Variants in DMD observed in about 807,000 individuals in gnomAD.
DMD encodes mutant dystrophin.
A neutral mutation model predicts 330.1 loss-of-function variants in DMD; 63 were observed. The observed-to-expected ratio is 0.19, with a 90% CI of 0.16 to 0.24. DMD has a LOEUF of 0.24. Among genes scored for constraint, DMD ranks in the 10% least tolerant of loss-of-function variants. The pLI, the probability that DMD is intolerant of heterozygous loss-of-function variation, is 1.00. For missense variants in DMD, 3,344 were observed against 2,684.1 expected (o/e 1.25, Z -5.43); for synonymous variants, 1,223 against 959.8 (o/e 1.27, Z -5.07).
chrX:33,325,862 C>T lies in DMD; in HGVS notation c.7+13397G>A, dbSNP rs145068693. 5.5e-3 allele frequency among the ~76,000 whole-genome samples: 609 copies of T among 111,428 alleles called. 7 individuals are homozygous for T. The highest frequency in any genetic ancestry group is 0.019 in the African/African-American group (574 of 30,683). ...TGCCTGAATCCATGTACCTTATAAA[C>T]GAAACTGTCAATTTACTCTTCTATT... On this transcript the variant is annotated intron_variant, in intron 1 of 17. Transcript: ENST00000288447.
chrX:32,828,071 T>G (rs2078872548), intron 4 of DMD, among the ~76,000 whole-genome samples: 1 of 111,789 alleles, frequency 8.9e-6, no homozygotes, highest in East Asian at 2.8e-4. Flanking sequence ...CTTATTTTTG[T>G]CTGGGTTGTA....
chrX:32,599,632 TTGTC>T (rs1216364173), intron 12 of DMD, among the ~76,000 whole-genome samples: 5 of 97,240 alleles, frequency 5.1e-5, no homozygotes, highest in South Asian at 4.3e-4. Flanking sequence ...ACAAAAATGT[TTGTC>T]TGTCAGAAAA....
chrX:32,416,645 C>G (rs747341597), intron 29 of DMD, among the ~76,000 whole-genome samples: 1 of 111,672 alleles, frequency 9.0e-6, no homozygotes, highest in Non-Finnish European at 1.9e-5. Flanking sequence ...CCTGACTGTC[C>G]GTACCTTGCA....
intron 26 of DMD, among the ~76,000 whole-genome samples, chrX:32,452,908 C>T (rs775001386): frequency 1.8e-5 from 2 of 111,037 alleles, no homozygotes; most frequent in East Asian, 5.7e-4. Context: ...TCTTTCTCTT[C>T]CCAATTAGCT....
chrX:31,357,789 T>A (rs2058744100), intron 60 of DMD, among the ~76,000 whole-genome samples: 2 of 111,801 alleles, frequency 1.8e-5, no homozygotes, highest in Non-Finnish European at 3.8e-5. Context: ...CGCCTTTCTT[T>A]TCTCTCACTG....
chrX:31,524,308 G>A (rs1343099472), intron 55 of DMD, among the ~76,000 whole-genome samples: 2 of 112,105 alleles, frequency 1.8e-5, no homozygotes, highest in East Asian at 5.6e-4. Context: ...CTGTCTGATG[G>A]TAATGTTTTA....
chrX:33,059,240 T>A (rs2094553802), intron 1 of DMD, among the ~76,000 whole-genome samples: 1 of 111,561 alleles, frequency 9.0e-6, no homozygotes, highest in African/African-American at 3.3e-5. Flanking sequence ...ATATTCTCCT[T>A]GACTATGTTT....
intron 43 of DMD, among the ~76,000 whole-genome samples, chrX:32,272,573 G>A (rs1157981613): frequency 8.9e-6 from 1 of 112,001 alleles, no homozygotes; most frequent in East Asian, 2.8e-4. Context: ...TGCCATGGAG[G>A]CAGGCTATGT....
intron 25 of DMD, among the ~76,000 whole-genome samples, chrX:32,462,653 T>A (rs2098387673): frequency 9.0e-6 from 1 of 111,123 alleles, no homozygotes; most frequent in Non-Finnish European, 1.9e-5. Flanking sequence ...GAATCTTAAT[T>A]GTTATTTAAA....
intron 1 of DMD, among the ~76,000 whole-genome samples, chrX:33,044,351 G>C (rs1174317803): frequency 9.0e-6 from 1 of 111,244 alleles, no homozygotes; most frequent in Non-Finnish European, 1.9e-5. Context: ...AGAATCACTT[G>C]AACCCGGGAG....
At chrX:31,515,041 G>A (rs970389748) in intron 55 of DMD, among the ~76,000 whole-genome samples, 3 of 109,717 alleles carry the variant, frequency 2.7e-5, no homozygotes, top group East Asian at 5.7e-4. Flanking sequence ...CAAGATTATC[G>A]AATATTAAAT....
intron 7 of DMD, among the ~76,000 whole-genome samples, chrX:32,738,570 T>C (rs1314303788): frequency 2.7e-5 from 3 of 111,613 alleles, no homozygotes; most frequent in Non-Finnish European, 5.7e-5. Flanking sequence ...TTTCACAAAC[T>C]GATCAGGTTT....
At chrX:31,563,234 T>C (rs1020793024) in intron 55 of DMD, among the ~76,000 whole-genome samples, 4 of 110,682 alleles carry the variant, frequency 3.6e-5, no homozygotes, top group African/African-American at 1.3e-4. Context: ...CCAGCTAATT[T>C]TTGTATTTTT....
intron 51 of DMD, among the ~76,000 whole-genome samples, chrX:31,745,287 G>A (rs749048926): frequency 7.7e-4 from 86 of 111,229 alleles, no homozygotes; most frequent in African/African-American, 2.7e-3. Flanking sequence ...GCAGAATTAC[G>A]ATGGCTGTGA....
intron 1 of DMD, among the ~76,000 whole-genome samples, chrX:33,331,777 C>T (rs1387607223): frequency 9.0e-6 from 1 of 111,357 alleles, no homozygotes; most frequent in Non-Finnish European, 1.9e-5. Context: ...TTTGTCTAGA[C>T]AATATTTTTA....
At chrX:32,394,631 G>T (rs894906768) in intron 30 of DMD, among the ~76,000 whole-genome samples, 1 of 110,866 alleles carries the variant, frequency 9.0e-6, no homozygotes, top group Non-Finnish European at 1.9e-5. Context: ...CTAGGTATCT[G>T]CTGAGGATGA....
intron 44 of DMD, among the ~76,000 whole-genome samples, chrX:32,028,405 G>A (rs1458674400): frequency 1.8e-5 from 2 of 111,160 alleles, no homozygotes; most frequent in African/African-American, 6.6e-5. Flanking sequence ...GGATGAGGAT[G>A]ACCAAAGGAA....
chrX:31,576,340 G>T (rs1603395256), intron 55 of DMD, among the ~76,000 whole-genome samples: 1 of 111,632 alleles, frequency 9.0e-6, no homozygotes, highest in East Asian at 2.8e-4. Context: ...AATGTTCAGT[G>T]TAGTAAAATT....
intron 52 of DMD, among the ~76,000 whole-genome samples, chrX:31,692,283 T>G (rs1211950279): frequency 9.0e-6 from 1 of 110,682 alleles, no homozygotes; most frequent in East Asian, 2.8e-4. Context: ...AAGAGGGAAG[T>G]TTATATCAAT....
Sources: gnomAD v4.1 joint callset for allele counts (sites outside exome capture counted in the v4.1 genomes callset) on GRCh38, gnomAD v4.1.1 for gene constraint, MANE v1.5 for transcripts, NCBI Gene and HGNC (gene_info 2026-07-23, HGNC 2026-07-21) for gene names.